The following USP32 variants were observed in gnomAD, a reference collection of about 807,000 sequenced individuals.
USP32 encodes ubiquitin specific peptidase 32, also known as ubiquitin carboxyl-terminal hydrolase 32.
Under a neutral mutation model 204.8 loss-of-function variants are expected in USP32, and 59 were observed. The ratio of observed to expected loss-of-function variants is 0.29; its 90% CI spans 0.23 to 0.36. The LOEUF is 0.36. Ranked by LOEUF, USP32 falls within the 10% of genes least tolerant of loss-of-function variation. The probability of loss-of-function intolerance (pLI) is 1.00; values close to 1 mark genes in which losing one functional copy is unlikely to be tolerated. For missense variants in USP32, 1,160 were observed against 1,946.4 expected (o/e 0.60, Z 7.60); for synonymous variants, 517 against 678.4 (o/e 0.76, Z 3.70).
intron 7 of USP32, among the ~76,000 whole-genome samples, chr17:60,268,344 G>A (rs1199641593): frequency 2.0e-5 from 3 of 151,650 alleles, no homozygotes; most frequent in Non-Finnish European, 2.9e-5. Context: ...TGAGGTGGGC[G>A]GATCATTTAA....
chr17:60,275,468 A>G (rs1181475593), intron 5 of USP32, among the ~76,000 whole-genome samples: 1 of 152,074 alleles, frequency 6.6e-6, no homozygotes, highest in Non-Finnish European at 1.5e-5. Context: ...AAAACAAACA[A>G]ACAAAAAAGA....
At chr17:60,315,921 C>T (rs1455793967) in intron 2 of USP32, 1 of 157,878 alleles carries the variant, frequency 6.3e-6, no homozygotes, top group African/African-American at 2.4e-5. Flanking sequence ...CAAGAGTGCA[C>T]CCTCTATTGG....
chr17:60,243,960 T>C (rs2085943402), intron 11 of USP32, among the ~76,000 whole-genome samples: 1 of 152,024 alleles, frequency 6.6e-6, no homozygotes, highest in Non-Finnish European at 1.5e-5. Flanking sequence ...GCTATATTTG[T>C]ATGGTTTTAT....
intron 2 of USP32, among the ~76,000 whole-genome samples, chr17:60,312,389 G>A (rs1301021501): frequency 6.6e-6 from 1 of 152,084 alleles, no homozygotes; most frequent in East Asian, 1.9e-4. Context: ...TAATTCTCAT[G>A]AGGATCAATA....
At chr17:60,387,490 T>G (rs2089751201) in intron 1 of USP32, among the ~76,000 whole-genome samples, 1 of 152,222 alleles carries the variant, frequency 6.6e-6, no homozygotes, top group African/African-American at 2.4e-5. Context: ...TAGCACTTTC[T>G]CCTATAGCAC....
chr17:60,262,607 G>A (rs888640939), intron 9 of USP32, among the ~76,000 whole-genome samples: 7 of 152,098 alleles, frequency 4.6e-5, no homozygotes, highest in African/African-American at 1.7e-4. Context: ...CCATAGTTTG[G>A]TATAAAGTTC....
chr17:60,276,966 T>TATATATATATAAAA (rs60544670), intron 5 of USP32, among the ~76,000 whole-genome samples: 2 of 149,816 alleles, frequency 1.3e-5, no homozygotes, highest in African/African-American at 5.0e-5. Context: ...TATATATATA[T>TATATATATATAAAA]AAAATTACCA....
chr17:60,363,738 A>T (rs2089258674), intron 1 of USP32, among the ~76,000 whole-genome samples: 1 of 151,642 alleles, frequency 6.6e-6, no homozygotes. Flanking sequence ...GGCTCAAGCA[A>T]TCCTCCCACC....
intron 1 of USP32, among the ~76,000 whole-genome samples, chr17:60,356,617 T>C (rs2089085097): frequency 6.6e-6 from 1 of 152,096 alleles, no homozygotes; most frequent in Admixed American, 6.6e-5. Flanking sequence ...CTTTATAAAA[T>C]CAGACCAAGA....
At chr17:60,318,543 T>C (rs1025405237) in intron 2 of USP32, among the ~76,000 whole-genome samples, 2 of 152,168 alleles carry the variant, frequency 1.3e-5, no homozygotes, top group Non-Finnish European at 2.9e-5. Flanking sequence ...GGATTTCCAG[T>C]TGAGACTCAA....
intron 2 of USP32, among the ~76,000 whole-genome samples, chr17:60,335,224 T>G (rs929019499): frequency 5.6e-5 from 8 of 142,256 alleles, no homozygotes; most frequent in Non-Finnish European, 1.2e-4. Flanking sequence ...TCCTTGAGAT[T>G]CCGAAAAGTG....
At chr17:60,267,701 A>G (rs1474611887) in intron 7 of USP32, among the ~76,000 whole-genome samples, 1 of 151,752 alleles carries the variant, frequency 6.6e-6, no homozygotes, top group Non-Finnish European at 1.5e-5. Flanking sequence ...TTGTATTTCT[A>G]GTAGAGACAG....
chr17:60,212,059 A>G lies in USP32; in HGVS notation c.2144T>C (p.Phe715Ser). Residue 715 changes from phenylalanine (F) to serine (S), a missense_variant, in exon 19 of 34, where the codon TTT (phenylalanine) becomes TCT (serine). Physicochemically the swap from Phe to Ser is radical, Grantham distance 155 (BLOSUM62 -2). Around this residue, in one of 8 missense-constraint regions of USP32, gnomAD observed 132 missense variants for 432.8 expected, o/e 0.30. Transcript: ENST00000300896. ...ATCTATTTTACTACTATTTGCTATA[A>G]AAGACATCTCCTCAGGCCAACTCAT... is the stretch of plus-strand genomic sequence containing the variant. ...KDMSWPEEMS[F>S]IANSSKIDRH... The G allele has an allele frequency of 6.2e-7, 1 of 1,608,628 alleles. No homozygotes were observed. Among genetic ancestry groups the G allele is most frequent in the Non-Finnish European group, 8.5e-7 (1 of 1,176,780 alleles).
At chr17:60,179,750 A>C (rs1044010882) in intron 33 of USP32, among the ~76,000 whole-genome samples, 2 of 152,212 alleles carry the variant, frequency 1.3e-5, no homozygotes, top group African/African-American at 4.8e-5. Context: ...AGCTCACTGC[A>C]ACCTCTGCCT....
At chr17:60,348,286 G>C (rs1309364161) in intron 1 of USP32, among the ~76,000 whole-genome samples, 1 of 152,060 alleles carries the variant, frequency 6.6e-6, no homozygotes. Flanking sequence ...AAAACCATGA[G>C]GAAGAAGCAT....
chr17:60,378,423 G>A (rs2089589186), intron 1 of USP32, among the ~76,000 whole-genome samples: 1 of 152,102 alleles, frequency 6.6e-6, no homozygotes, highest in South Asian at 2.1e-4. Flanking sequence ...ATTACCATAT[G>A]ACCCAGCAAT....
chr17:60,221,303 A>G (rs1356751760), intron 15 of USP32, among the ~76,000 whole-genome samples: 2 of 152,040 alleles, frequency 1.3e-5, no homozygotes, highest in African/African-American at 4.8e-5. Context: ...TGAGGTGGGA[A>G]TATTGTTCAA....
At chr17:60,311,838 A>G (rs1028984629) in intron 2 of USP32, among the ~76,000 whole-genome samples, 3 of 152,170 alleles carry the variant, frequency 2.0e-5, no homozygotes, top group African/African-American at 7.2e-5. Context: ...ACAAAACAAA[A>G]AAAAACGGTA....
At chr17:60,203,841 C>T (rs1020390106) in intron 26 of USP32, among the ~76,000 whole-genome samples, 6 of 152,200 alleles carry the variant, frequency 3.9e-5, no homozygotes, top group Admixed American at 2.0e-4. Flanking sequence ...TCCCAAAGTG[C>T]TGGGATTACA....
Sources: allele counts gnomAD v4.1 joint callset (sites outside exome capture counted in the v4.1 genomes callset), GRCh38; gene constraint gnomAD v4.1.1; regional missense constraint gnomAD v4.1.1; transcripts MANE v1.5; gene names NCBI Gene and HGNC (gene_info 2026-07-23, HGNC 2026-07-21).